The following SSX5 variants were observed in gnomAD, a reference collection of about 807,000 sequenced individuals.
The protein encoded by SSX5 is SSX family member 5.
SSX5 carries 14 observed loss-of-function variants against 14.9 expected under a neutral mutation model. The ratio of observed to expected loss-of-function variants is 0.94; its 90% CI spans 0.62 to 1.47. The LOEUF (loss-of-function observed/expected upper bound fraction) is 1.47, where lower values mean the gene tolerates loss of function less well. Among genes scored for constraint, SSX5 ranks in the 40% most tolerant of loss-of-function variants. SSX5 has a pLI of 0.00. For missense variants in SSX5, 204 were observed against 154.6 expected (o/e 1.32, Z -1.70); for synonymous variants, 70 against 55.4 (o/e 1.26, Z -1.17).
chrX:48,191,124 C>T (rs1556924676), intron 5 of SSX5, among the ~76,000 whole-genome samples: 1 of 109,562 alleles, frequency 9.1e-6, no homozygotes, highest in African/African-American at 3.3e-5. Flanking sequence ...AGGATGATCT[C>T]GATCGCTTGA....
chrX:48,196,132 C>CA (rs2059440305), intron 1 of SSX5, among the ~76,000 whole-genome samples: 1 of 110,199 alleles, frequency 9.1e-6, no homozygotes, highest in Non-Finnish European at 1.9e-5. Flanking sequence ...ACAAAAAATA[C>CA]AAAAAGTTAG....
rs2059415408 is a variant in SSX5 at position 48,190,398 on chromosome X, C to T, written c.331-130G>A. ...ACAATGCTAGGAGAGTTACACTTGC[C>T]TAAATTAGGAGAAACCTGGGAGGGG... On this transcript the variant is annotated intron_variant, in intron 5 of 7. Coordinates refer to ENST00000347757, the MANE Select transcript of SSX5 (RefSeq NM_175723.2). 8 of 870,698 alleles carry T rather than the reference C, an allele frequency of 9.2e-6. No individual in the cohort carries two copies. In the African/African-American group the frequency reaches 1.0e-4, roughly 11 times the overall value. 71.8% of individuals were successfully genotyped at this position (870,698 alleles called of 1,213,427 possible). A position where few individuals can be genotyped will look rare whatever the true frequency, so the allele number is the denominator to read the frequency against.
intron 4 of SSX5, among the ~76,000 whole-genome samples, chrX:48,193,466 G>A (rs1569441731): frequency 1.8e-5 from 2 of 111,431 alleles, no homozygotes; most frequent in Middle Eastern, 4.6e-3. Context: ...ACTACAAACA[G>A]GCTGGGCGTG....
In SSX5 at chrX:48,186,362, C is replaced by A; in HGVS notation, c.*499G>T. Reference sequence around the variant, plus strand: ...CAGTTGGGAGATGCCTATACTGGTACTTGGTGTGTGTGTGTGTGTGTGTGT... The same window carrying A: ...CAGTTGGGAGATGCCTATACTGGTAATTGGTGTGTGTGTGTGTGTGTGTGT... On this transcript the variant is annotated 3_prime_UTR_variant, in exon 8 of 8. Transcript: ENST00000347757. The A allele has an allele frequency of 5.2e-6, 1 of 190,602 alleles. No homozygotes were observed. The highest frequency in any genetic ancestry group is 9.0e-6 in the Non-Finnish European group (1 of 110,700). 15.7% of individuals were successfully genotyped at this position (190,602 alleles called of 1,213,427 possible).
chrX:48,187,762 T>C, intron 6 of SSX5, 31 bp from the exon 7 acceptor site: 1 of 1,192,748 alleles, frequency 8.4e-7, no homozygotes, highest in Non-Finnish European at 1.1e-6. Flanking sequence ...AAGATGAGGG[T>C]TGGGTAGATT....
chrX:48,195,668 G>A (rs1464542012), intron 1 of SSX5, among the ~76,000 whole-genome samples: 8 of 111,430 alleles, frequency 7.2e-5, no homozygotes, highest in Admixed American at 2.9e-4. Flanking sequence ...CTGAGGCCAG[G>A]CTTACCCTGA....
chrX:48,191,784 G>C (rs1242701816), intron 5 of SSX5, among the ~76,000 whole-genome samples: 2 of 111,828 alleles, frequency 1.8e-5, no homozygotes, highest in East Asian at 2.8e-4. Flanking sequence ...CTCTATACCC[G>C]GATAGCCTCA....
In SSX5 at chrX:48,186,697, C is replaced by T; in HGVS notation, c.*164G>A. 1.0e-6 allele frequency: 1 copy of T among 1,002,899 alleles called. No individual in the cohort carries two copies. Among genetic ancestry groups the T allele is most frequent in the South Asian group, 2.0e-5 (1 of 50,614 alleles). The allele number at this position is 1,002,899 out of a possible 1,213,427, so 82.7% of individuals were successfully genotyped here. A position where few individuals can be genotyped will look rare whatever the true frequency, so the allele number is the denominator to read the frequency against. The stretch of plus-strand genomic sequence containing the variant: ...ACAACAGAAACACTAACATCGAACT[C>T]TTGGCACACTAAGAAAAATGACGCT... On this transcript the variant is annotated 3_prime_UTR_variant, in exon 8 of 8. Coordinates refer to ENST00000347757, the MANE Select transcript of SSX5 (RefSeq NM_175723.2).
intron 4 of SSX5, among the ~76,000 whole-genome samples, chrX:48,193,508 G>A (rs782443014): frequency 3.2e-4 from 36 of 111,265 alleles, no homozygotes; most frequent in Non-Finnish European, 6.2e-4. Flanking sequence ...AGCACTTTGG[G>A]AGGCTGCGGC....
intron 3 of SSX5, 34 bp from the exon 4 acceptor site, chrX:48,194,258 A>G (rs1455910209): frequency 8.5e-7 from 1 of 1,181,807 alleles, no homozygotes; most frequent in Non-Finnish European, 1.1e-6. Context: ...TCCTTAAGAG[A>G]CAAGCTTAGG....
At position 48,194,144 on chromosome X, in the gene SSX5, T is replaced by C. The variant is rs1380322043; in HGVS notation, c.265A>G (p.Asn89Asp). Reference sequence around the variant, plus strand: ...ATCTACTCACCCTGATTCCCACGGTTAGGGTCATTATCAAAATCATTCCCC... The same window carrying C: ...ATCTACTCACCCTGATTCCCACGGTCAGGGTCATTATCAAAATCATTCCCC... The part of the protein sequence containing the change: ...FQGNDFDNDP[N>D]RGNQVEHPQM... Residue 89 changes from asparagine to aspartate, a missense_variant, in exon 4 of 8, where the codon AAC (asparagine) becomes GAC (aspartate). Physicochemically the swap from Asn to Asp is conservative, Grantham distance 23 (BLOSUM62 1). Coordinates refer to ENST00000347757, the MANE Select transcript of SSX5 (RefSeq NM_175723.2). 1.7e-6 allele frequency: 2 copies of C among 1,207,900 alleles called. No homozygotes were observed. Among genetic ancestry groups the C allele is most frequent in the African/African-American group, 1.8e-5 (1 of 56,709 alleles).
rs782237731 is a variant in SSX5, at chrX:48,192,349, T to C, written c.281-68A>G. ...TTCCAAACTCTAGAGAGACTTCAGT[T>C]GCATGAGGGCATTCTGCAGCAGAGG... On this transcript the variant is annotated intron_variant, in intron 4 of 7. Coordinates refer to ENST00000347757, the MANE Select transcript of SSX5 (RefSeq NM_175723.2). The C allele has an allele frequency of 1.5e-4, 177 of 1,180,406 alleles. 1 individual carries two copies. In the Middle Eastern group the frequency reaches 3.5e-3, roughly 23 times the overall value.
In SSX5 at chrX:48,192,293, T is replaced by C. The variant is rs201153879; in HGVS notation, c.281-12A>G. 5.6e-5 allele frequency: 68 copies of C among 1,209,623 alleles called. No individual in the cohort carries two copies. The highest frequency in any genetic ancestry group is 6.1e-5 in the Non-Finnish European group (55 of 894,977). On this transcript the variant is annotated splice_polypyrimidine_tract_variant and intron_variant, in intron 4 of 7. Transcript: ENST00000347757. Reference sequence around the variant, plus strand: ...CTGAGGATGTTCAACTGAAAGAGAATACATCAGAATTTTTCTTTGTTGGTA... The same window carrying C: ...CTGAGGATGTTCAACTGAAAGAGAACACATCAGAATTTTTCTTTGTTGGTA...
intron 5 of SSX5, 52 bp downstream of exon 5, chrX:48,192,180 A>G: frequency 8.3e-7 from 1 of 1,206,619 alleles, no homozygotes; most frequent in Non-Finnish European, 1.1e-6. Context: ...CAGGGTTCAC[A>G]TTCGTGAAGG....
In SSX5 at chrX:48,190,273, A is replaced by G; in HGVS notation, c.331-5T>C. The stretch of plus-strand genomic sequence containing the variant: ...TGCTGGCTTCTCGGGCGTGATCTTT[A>G]TAATGTGAAGGTCACAGATAAACAG... On this transcript the variant is annotated splice_polypyrimidine_tract_variant and splice_region_variant and intron_variant, in intron 5 of 7. Coordinates refer to ENST00000347757, the MANE Select transcript of SSX5 (RefSeq NM_175723.2). 1.7e-6 allele frequency: 2 copies of G among 1,195,792 alleles called. No individual in the cohort carries two copies. Among genetic ancestry groups the G allele is most frequent in the Non-Finnish European group, 2.2e-6 (2 of 889,434 alleles).
chrX:48,195,170 C>T lies in SSX5; in HGVS notation c.69+120G>A, dbSNP rs781787831. On this transcript the variant is annotated intron_variant, in intron 2 of 7. Coordinates refer to ENST00000347757, the MANE Select transcript of SSX5 (RefSeq NM_175723.2). ...GCGAGAGTGAGAGGCTCCCAAGGTT[C>T]CAGATGTCCCCGGAGACCCTGGTCC... The T allele has an allele frequency of 4.1e-6, 5 of 1,210,593 alleles. No individual in the cohort carries two copies. The East Asian group carries it at 1.2e-4, about 29-fold the overall frequency.
At chrX:48,194,535 A>G (rs138922210) in intron 3 of SSX5, among the ~76,000 whole-genome samples, 62 of 110,819 alleles carry the variant, frequency 5.6e-4, no homozygotes, top group African/African-American at 2.0e-3. Flanking sequence ...AACGTGCAGG[A>G]TCCAGGTATG....
chrX:48,196,235 G>A (rs781801000), intron 1 of SSX5, among the ~76,000 whole-genome samples: 10 of 111,525 alleles, frequency 9.0e-5, no homozygotes, highest in Non-Finnish European at 1.7e-4. Flanking sequence ...GACCAGCCTG[G>A]TCAACATAGC....
chrX:48,194,211 G>A lies in SSX5; in HGVS notation c.198C>T (p.Thr66=), dbSNP rs2059431319. The change falls in exon 4 of 8, where the codon ACC becomes ACT. Residue 66 remains threonine, a synonymous_variant. Transcript: ENST00000347757. The part of the protein sequence containing the change: ...EAMTKLGFKA[T]LPPFMRNKRV... ...GTTTATTACGCATGAAAGGTGGGAG[G>A]GTGGCCTTGAAACCTAGAAAGAAGC... The A allele has an allele frequency of 8.3e-7, 1 of 1,210,234 alleles. No homozygotes were observed. Among genetic ancestry groups the A allele is most frequent in the East Asian group, 3.0e-5 (1 of 33,778 alleles).
Sources: allele counts gnomAD v4.1 joint callset (sites outside exome capture counted in the v4.1 genomes callset), GRCh38; gene constraint gnomAD v4.1.1; transcripts MANE v1.5; gene names NCBI Gene and HGNC (gene_info 2026-07-23, HGNC 2026-07-21).